The following BTF3 variants were observed in gnomAD, a reference collection of about 807,000 sequenced individuals.
BTF3 encodes basic transcription factor 3.
BTF3 carries 12 observed loss-of-function variants against 23.9 expected under a neutral mutation model. The observed-to-expected ratio is 0.50, with a 90% CI of 0.32 to 0.81. BTF3 has a LOEUF of 0.81. Among genes scored for constraint, BTF3 ranks in the 40% least tolerant of loss-of-function variants. BTF3 has a pLI of 0.03. For synonymous variants in BTF3, 96 were observed against 94.8 expected, an observed-to-expected ratio of 1.01 and a Z score of -0.07; for missense variants, 215 against 255.9, an observed-to-expected ratio of 0.84 and a Z score of 1.09.
chr5:73,501,361 CAG>C (rs1746431375), intron 2 of BTF3, among the ~76,000 whole-genome samples: 1 of 152,082 alleles, frequency 6.6e-6, no homozygotes, highest in Non-Finnish European at 1.5e-5. Flanking sequence ...TAGCAATAAA[CAG>C]AAGTCCTTAT....
chr5:73,501,831 G>A (rs1283118920), intron 2 of BTF3, among the ~76,000 whole-genome samples: 1 of 152,068 alleles, frequency 6.6e-6, no homozygotes, highest in East Asian at 1.9e-4. Context: ...ACACTGTCTT[G>A]CCTGTAAATA....
intron 2 of BTF3, among the ~76,000 whole-genome samples, chr5:73,501,877 C>T (rs1341082094): frequency 6.6e-6 from 1 of 152,024 alleles, no homozygotes; most frequent in Non-Finnish European, 1.5e-5. Context: ...AATATAAAAA[C>T]AGAAAAGGGG....
At chr5:73,500,789 A>T (rs1486759429) in intron 2 of BTF3, among the ~76,000 whole-genome samples, 1 of 152,208 alleles carries the variant, frequency 6.6e-6, no homozygotes, top group Non-Finnish European at 1.5e-5. Context: ...AAACCTCTAG[A>T]AAGTATGCTG....
At chr5:73,500,012 A>G (rs1260960984) in intron 2 of BTF3, among the ~76,000 whole-genome samples, 1 of 152,214 alleles carries the variant, frequency 6.6e-6, no homozygotes, top group African/African-American at 2.4e-5. Flanking sequence ...TCCATGGTAC[A>G]TGTTTATTAC....
chr5:73,498,647 G>T lies in BTF3; in HGVS notation c.-21G>T. On this transcript the variant is annotated 5_prime_UTR_variant, in exon 1 of 6. Coordinates refer to ENST00000380591, the MANE Select transcript of BTF3 (RefSeq NM_001037637.2). ...AAGGAGCGAGACAGGGAGGGACAGG[G>T]CAGAGGAGGAGAGGAAGGCGATGCG... The T allele has an allele frequency of 2.7e-6, 4 of 1,496,368 alleles. No individual in the cohort carries two copies. Among genetic ancestry groups the T allele is most frequent in the Non-Finnish European group, 3.5e-6 (4 of 1,132,572 alleles). 92.7% of individuals were successfully genotyped at this position (1,496,368 alleles called of 1,614,324 possible). A position where few individuals can be genotyped will look rare whatever the true frequency, so the allele number is the denominator to read the frequency against.
intron 2 of BTF3, among the ~76,000 whole-genome samples, chr5:73,502,172 A>G (rs1262710931): frequency 6.6e-6 from 1 of 151,994 alleles, no homozygotes; most frequent in Admixed American, 6.6e-5. Flanking sequence ...AAAAAAAAAA[A>G]AAAAAAACAG....
At position 73,498,877 on chromosome 5, in the gene BTF3, G is replaced by C. The variant is rs532461640; in HGVS notation, c.132+78G>C. ...GAGGCCAGGCCAGGGCCAGGGGTGG[G>C]GGGTGCTGGCCAGGCGTGGGGTAGA... On this transcript the variant is annotated intron_variant, in intron 1 of 5. Transcript: ENST00000380591. The C allele has an allele frequency of 9.4e-6, 14 of 1,484,936 alleles. No homozygotes were observed. The East Asian group carries it at 3.0e-4, about 32-fold the overall frequency. 92.0% of individuals were successfully genotyped at this position (1,484,936 alleles called of 1,614,324 possible). A position where few individuals can be genotyped will look rare whatever the true frequency, so the allele number is the denominator to read the frequency against.
At chr5:73,502,668 A>C in intron 3 of BTF3, 67 bp downstream of exon 3, 1 of 1,085,486 alleles carries the variant, frequency 9.2e-7, no homozygotes, top group Non-Finnish European at 1.2e-6. Context: ...TTAATGCATT[A>C]AATGGGTTGT....
Position 73,504,398 on chromosome 5 carries a change from T to A in BTF3, c.569T>A (p.Val190Asp). 6.3e-7 allele frequency: 1 copy of A among 1,599,700 alleles called. No individual in the cohort carries two copies. Among genetic ancestry groups the A allele is most frequent in the Non-Finnish European group, 8.5e-7 (1 of 1,173,134 alleles). Residue 190 changes from valine to aspartate, a missense_variant, in exon 5 of 6, where the codon GTT becomes GAT. By Grantham distance (152) the Val-to-Asp change is radical. Coordinates refer to ENST00000380591, the MANE Select transcript of BTF3 (RefSeq NM_001037637.2). ...ACTGGAGAGGATGATGATGATGAAG[T>A]TCCAGGTAGGAACGTTTACTTGTGG... The part of the protein sequence containing the change: ...LATGEDDDDE[V>D]PDLVENFDEA...
intron 3 of BTF3, 71 bp downstream of exon 3, chr5:73,502,672 G>T: frequency 9.9e-7 from 1 of 1,009,536 alleles, no homozygotes; most frequent in Non-Finnish European, 1.3e-6. Context: ...TGCATTAAAT[G>T]GGTTGTTTTT....
chr5:73,498,497 A>G lies in BTF3; in HGVS notation c.-171A>G. On this transcript the variant is annotated 5_prime_UTR_variant, in exon 1 of 6. Transcript: ENST00000380591. ...GTGTGCGCCTAATCTCAGGTGGTCCACCCGAGACCCCTTGAGCACCAACCC... is the reference window on the plus strand; with the variant it reads ...GTGTGCGCCTAATCTCAGGTGGTCCGCCCGAGACCCCTTGAGCACCAACCC... 1 of 966,980 alleles carries G rather than the reference A, an allele frequency of 1.0e-6. No individual in the cohort carries two copies. The highest frequency in any genetic ancestry group is 1.4e-6 in the Non-Finnish European group (1 of 713,926). The allele number at this position is 966,980 out of a possible 1,614,324, so 59.9% of individuals were successfully genotyped here.
At chr5:73,504,048 A>G (rs1561255103) in intron 4 of BTF3, among the ~76,000 whole-genome samples, 1 of 152,022 alleles carries the variant, frequency 6.6e-6, no homozygotes, top group Non-Finnish European at 1.5e-5. Flanking sequence ...TTTTACCTGC[A>G]CTCTAAGAGT....
intron 5 of BTF3, 73 bp downstream of exon 5, chr5:73,504,476 T>C: frequency 4.7e-6 from 6 of 1,275,468 alleles, no homozygotes; most frequent in Non-Finnish European, 6.7e-6. Context: ...TAGGAAAAAC[T>C]ACCCAGGGAA....
At chr5:73,504,955 C>T (rs1746522215) in intron 5 of BTF3, 1 of 406,626 alleles carries the variant, frequency 2.5e-6, no homozygotes, top group Non-Finnish European at 4.3e-6. Context: ...AAAATTTTAA[C>T]ATTGTGTGTC....
At chr5:73,504,314 T>C in intron 4 of BTF3, 33 bp from the exon 5 acceptor site, 1 of 556,744 alleles carries the variant, frequency 1.8e-6, no homozygotes, top group Non-Finnish European at 2.9e-6. Context: ...ATTAAAAACC[T>C]AGACAAATAA....
In BTF3 at chr5:73,505,481, G is replaced by A; in HGVS notation, c.*243G>A. 2.5e-6 allele frequency: 1 copy of A among 403,652 alleles called. No individual in the cohort carries two copies. The highest frequency in any genetic ancestry group is 3.8e-5 in the South Asian group (1 of 26,492). The allele number at this position is 403,652 out of a possible 1,614,324, so 25.0% of individuals were successfully genotyped here. ...CAAGTTTGAAACAAAGATTAATAAAGTTCTTTGCCTAGTATACAGTTTTAT... is the reference window on the plus strand; with the variant it reads ...CAAGTTTGAAACAAAGATTAATAAAATTCTTTGCCTAGTATACAGTTTTAT... On this transcript the variant is annotated 3_prime_UTR_variant, in exon 6 of 6. Transcript: ENST00000380591.
chr5:73,502,885 T>C (rs1746471605), intron 3 of BTF3, 31 bp from the exon 4 acceptor site: 1 of 1,591,678 alleles, frequency 6.3e-7, no homozygotes, highest in South Asian at 1.1e-5. Context: ...CTGGTCAGCA[T>C]TGCTAATTTA....
At position 73,502,471 on chromosome 5, in the gene BTF3, C is replaced by G; in HGVS notation, c.202-17C>G. The G allele has an allele frequency of 6.4e-7, 1 of 1,563,138 alleles. No individual in the cohort carries two copies. Among genetic ancestry groups the G allele is most frequent in the South Asian group, 1.2e-5 (1 of 84,404 alleles). ...GTATAAATGTGCTGTTTTCTTTCCT[C>G]TTCTCCCTGACTTTAGGGAACTGCT... On this transcript the variant is annotated splice_polypyrimidine_tract_variant and intron_variant, in intron 2 of 5. Coordinates refer to ENST00000380591, the MANE Select transcript of BTF3 (RefSeq NM_001037637.2).
Position 73,498,449 on chromosome 5 carries a change from G to A in BTF3, c.-219G>A. On this transcript the variant is annotated 5_prime_UTR_variant, in exon 1 of 6. Transcript: ENST00000380591. The stretch of plus-strand genomic sequence containing the variant: ...TTGTGTCACTTCCGGCCTCCCTTTA[G>A]CTGCCATCTTGCGTCCCCGCGTGTG... The A allele has an allele frequency of 1.8e-6, 1 of 541,126 alleles. No homozygotes were observed. Among genetic ancestry groups the A allele is most frequent in the East Asian group, 3.6e-5 (1 of 27,802 alleles). The allele number at this position is 541,126 out of a possible 1,614,324, so 33.5% of individuals were successfully genotyped here. A position where few individuals can be genotyped will look rare whatever the true frequency, so the allele number is the denominator to read the frequency against.
Sources: allele counts gnomAD v4.1 joint callset (sites outside exome capture counted in the v4.1 genomes callset), GRCh38; gene constraint gnomAD v4.1.1; transcripts MANE v1.5; gene names NCBI Gene and HGNC (gene_info 2026-07-23, HGNC 2026-07-21).